Variants in HERC1 observed in about 807,000 individuals in gnomAD.
HERC1 encodes probable E3 ubiquitin-protein ligase HERC1.
Under a neutral mutation model 554.3 loss-of-function variants are expected in HERC1, and 160 were observed. The ratio of observed to expected loss-of-function variants is 0.29; its 90% CI spans 0.25 to 0.33. HERC1 has a LOEUF of 0.33. Among genes scored for constraint, HERC1 ranks in the 10% least tolerant of loss-of-function variants. HERC1 has a pLI of 1.00. For missense variants in HERC1, 4,919 were observed against 5,918.5 expected (o/e 0.83, Z 5.54); for synonymous variants, 2,175 against 2,131.7 (o/e 1.02, Z -0.56).
intron 61 of HERC1, among the ~76,000 whole-genome samples, chr15:63,639,468 C>T (rs1240017831): frequency 6.6e-6 from 1 of 152,092 alleles, no homozygotes; most frequent in Non-Finnish European, 1.5e-5. Flanking sequence ...ATATTCCCAG[C>T]GTCAAGATTG....
rs1485084928 is a variant in HERC1, at chr15:63,669,522, A to T, written c.8206+16T>A. The T allele has an allele frequency of 1.2e-6, 2 of 1,612,714 alleles. No homozygotes were observed. Among genetic ancestry groups the T allele is most frequent in the Non-Finnish European group, 1.7e-6 (2 of 1,178,798 alleles). ...ATGCCAACTTTGGATATCATAGTGCATATCAGCACACGCACCTGTGCGGTT... is the reference window on the plus strand; with the variant it reads ...ATGCCAACTTTGGATATCATAGTGCTTATCAGCACACGCACCTGTGCGGTT... On this transcript the variant is annotated intron_variant, in intron 40 of 77. Transcript: ENST00000443617.
At chr15:63,721,768 G>A (rs1054595471) in intron 19 of HERC1, among the ~76,000 whole-genome samples, 3 of 152,098 alleles carry the variant, frequency 2.0e-5, no homozygotes, top group Non-Finnish European at 4.4e-5. Context: ...AGGTGATTCT[G>A]AACAATCCCG....
At chr15:63,615,222 T>TC (rs2067762566) in intron 76 of HERC1, among the ~76,000 whole-genome samples, 1 of 152,060 alleles carries the variant, frequency 6.6e-6, no homozygotes, top group South Asian at 2.1e-4. Flanking sequence ...GAAAACAGTC[T>TC]CAATCCAACC....
chr15:63,649,965 T>A, intron 53 of HERC1, 40 bp from the exon 54 acceptor site: 2 of 1,439,106 alleles, frequency 1.4e-6, no homozygotes, highest in Admixed American at 2.1e-5. Context: ...TACTTAATTC[T>A]TAAAAAGAAA....
intron 34 of HERC1, among the ~76,000 whole-genome samples, chr15:63,681,610 A>G (rs2071484286): frequency 6.6e-6 from 1 of 151,954 alleles, no homozygotes; most frequent in South Asian, 2.1e-4. Context: ...AACTTCCCCT[A>G]CGTGATAAAG....
At chr15:63,693,923 A>T (rs770671687) in intron 30 of HERC1, 41 bp downstream of exon 30, 18 of 1,527,752 alleles carry the variant, frequency 1.2e-5, no homozygotes, top group Non-Finnish European at 1.6e-5. Context: ...GGGTTTTAAT[A>T]AATGCTTGTA....
intron 1 of HERC1, among the ~76,000 whole-genome samples, chr15:63,810,581 C>G (rs2077272499): frequency 6.6e-6 from 1 of 151,990 alleles, no homozygotes; most frequent in Non-Finnish European, 1.5e-5. Context: ...TTTGCTATAA[C>G]CTTTTTTATA....
At chr15:63,804,871 T>C (rs750500724) in intron 1 of HERC1, among the ~76,000 whole-genome samples, 5 of 152,124 alleles carry the variant, frequency 3.3e-5, no homozygotes, top group East Asian at 1.9e-4. Flanking sequence ...GAAATGGAAA[T>C]TGAAACCACA....
intron 76 of HERC1, among the ~76,000 whole-genome samples, chr15:63,613,006 A>G (rs1336706195): frequency 6.6e-6 from 1 of 152,238 alleles, no homozygotes; most frequent in Non-Finnish European, 1.5e-5. Context: ...TCTTTTGAAA[A>G]TAATTATATC....
At chr15:63,654,883 T>A (rs563578278) in intron 50 of HERC1, among the ~76,000 whole-genome samples, 136 of 151,212 alleles carry the variant, frequency 9.0e-4, no homozygotes, top group Non-Finnish European at 3.7e-4. Flanking sequence ...AAAAAAAAAA[T>A]TTATTATACA....
chr15:63,625,894 G>A, intron 71 of HERC1, 91 bp downstream of exon 71: 2 of 1,344,296 alleles, frequency 1.5e-6, no homozygotes, highest in South Asian at 2.5e-5. Flanking sequence ...TCCAAAGGCA[G>A]AGGGAAAGGC....
Position 63,678,323 on chromosome 15 carries a change from A to G in HERC1, c.6592T>C (p.Leu2198=). The change falls in exon 37 of 78, where the codon TTA becomes CTA. Residue 2198 remains leucine (L), a synonymous_variant. Coordinates refer to ENST00000443617, the MANE Select transcript of HERC1 (RefSeq NM_003922.4). ...CTACAAATAGGGTCTCCTGGAAGTA[A>G]GTCTCGGGGTGTGCCACGCATCTGC... ...DMQMRGTPRD[L]LPGDPICSPV... 1 of 1,611,504 alleles carries G rather than the reference A, an allele frequency of 6.2e-7. No homozygotes were observed. Among genetic ancestry groups the G allele is most frequent in the South Asian group, 1.1e-5 (1 of 90,630 alleles).
At chr15:63,706,257 G>A (rs1172794069) in intron 25 of HERC1, among the ~76,000 whole-genome samples, 2 of 151,700 alleles carry the variant, frequency 1.3e-5, no homozygotes, top group Admixed American at 6.6e-5. Flanking sequence ...TTATGTAAGA[G>A]ATATAATATC....
chr15:63,736,673 A>G (rs1459324190), intron 12 of HERC1, among the ~76,000 whole-genome samples: 3 of 151,592 alleles, frequency 2.0e-5, no homozygotes, highest in Non-Finnish European at 4.4e-5. Flanking sequence ...CAGTGGCACA[A>G]TCTCGGCTCA....
intron 1 of HERC1, among the ~76,000 whole-genome samples, chr15:63,788,874 C>CAAAA (rs1161447448): frequency 4.5e-4 from 30 of 67,390 alleles, no homozygotes; most frequent in African/African-American, 1.4e-3. Context: ...GACTCCGTCT[C>CAAAA]AAAAAAAAAA....
intron 1 of HERC1, among the ~76,000 whole-genome samples, chr15:63,824,036 C>G (rs2077796931): frequency 6.6e-6 from 1 of 152,034 alleles, no homozygotes; most frequent in Non-Finnish European, 1.5e-5. Flanking sequence ...AAAAATGCCT[C>G]AACATCACTA....
At position 63,797,308 on chromosome 15, in the gene HERC1, T is replaced by C. The variant is rs542628331; in HGVS notation, c.-26-21659A>G. ...GTCACAAGACAAGTATAGCTTCTTC[T>C]ATCATTCCTTACTGTTCAGGAGTCA... On this transcript the variant is annotated intron_variant, in intron 1 of 77. Transcript: ENST00000443617. Among the ~76,000 whole-genome samples, 120 of 152,326 alleles carry C rather than the reference T, an allele frequency of 7.9e-4. 2 individuals are homozygous for C. The South Asian group carries it at 0.024, about 31-fold the overall frequency.
Position 63,655,851 on chromosome 15 carries a change from C to A in HERC1, c.9975G>T (p.Lys3325Asn). 1 of 1,608,376 alleles carries A rather than the reference C, an allele frequency of 6.2e-7. No homozygotes were observed. The change falls in exon 50 of 78, where the codon AAG becomes AAT. Residue 3325 changes from lysine to asparagine, a missense_variant. Physicochemically the swap from Lys to Asn is moderately conservative, Grantham distance 94. Transcript: ENST00000443617. ...CAACAAAGTTTGGGGAGGTCACAAG[C>A]TTGTTCTCTTCAGCAATTCCTCGGA... The part of the protein sequence containing the change: ...SFLRGIAEEN[K>N]LVTSPNFVVT...
At chr15:63,764,594 G>T (rs541215709) in intron 2 of HERC1, among the ~76,000 whole-genome samples, 9 of 152,234 alleles carry the variant, frequency 5.9e-5, no homozygotes, top group Admixed American at 3.3e-4. Context: ...ACAGAATACA[G>T]CCAGCTTTAG....
Sources: gnomAD v4.1 joint callset for allele counts (sites outside exome capture counted in the v4.1 genomes callset) on GRCh38, gnomAD v4.1.1 for gene constraint, MANE v1.5 for transcripts, NCBI Gene and HGNC (gene_info 2026-07-23, HGNC 2026-07-21) for gene names.